The following NOS1AP variants were observed in gnomAD, a reference collection of about 807,000 sequenced individuals.
NOS1AP encodes the protein carboxyl-terminal PDZ ligand of neuronal nitric oxide synthase protein.
A neutral mutation model predicts 56.2 loss-of-function variants in NOS1AP; 21 were observed. That is an observed-to-expected ratio of 0.37 (90% CI 0.26 to 0.54). The LOEUF is 0.54. NOS1AP is among the 20% of genes least tolerant of loss of function. The pLI, the probability that NOS1AP is intolerant of heterozygous loss-of-function variation, is 0.84. For synonymous variants in NOS1AP, 270 were observed against 274.6 expected, an observed-to-expected ratio of 0.98 and a Z score of 0.17; for missense variants, 522 against 657.8, an observed-to-expected ratio of 0.79 and a Z score of 2.26.
At position 162,208,259 on chromosome 1, in the gene NOS1AP, A is replaced by G. The variant is rs147063109; in HGVS notation, c.177+53783A>G. 2.3e-3 allele frequency among the ~76,000 whole-genome samples: 356 copies of G among 152,302 alleles called. 2 individuals are homozygous for G. Among genetic ancestry groups the G allele is most frequent in the Non-Finnish European group, 3.7e-3 (253 of 68,020 alleles). On this transcript the variant is annotated intron_variant, in intron 2 of 9. Coordinates refer to ENST00000361897, the MANE Select transcript of NOS1AP (RefSeq NM_014697.3). ...TAATTAATGCTGGCCTACAGTTGCC[A>G]CACTTTTCTCAGAATCTTGAAGCAC...
chr1:162,171,071 A>C, intron 2 of NOS1AP, among the ~76,000 whole-genome samples: 1 of 152,154 alleles, frequency 6.6e-6, no homozygotes. Flanking sequence ...CTGGGATGCC[A>C]ACATGCTGGG....
At chr1:162,277,048 C>G (rs1373597562) in intron 2 of NOS1AP, among the ~76,000 whole-genome samples, 1 of 152,114 alleles carries the variant, frequency 6.6e-6, no homozygotes, top group Non-Finnish European at 1.5e-5. Flanking sequence ...AAAGTGTGGT[C>G]TGTGGACCAG....
At chr1:162,359,837 A>G (rs1657834267) in intron 8 of NOS1AP, among the ~76,000 whole-genome samples, 2 of 152,190 alleles carry the variant, frequency 1.3e-5, no homozygotes, top group South Asian at 4.1e-4. Flanking sequence ...AGCAGTCCCC[A>G]GAATTCCAGT....
intron 2 of NOS1AP, among the ~76,000 whole-genome samples, chr1:162,166,170 C>T (rs890285308): frequency 2.8e-4 from 43 of 152,204 alleles, no homozygotes; most frequent in African/African-American, 7.0e-4. Flanking sequence ...AGACAGCTGC[C>T]GCAGTGCCCT....
chr1:162,362,323 C>T (rs1000497142), intron 8 of NOS1AP, among the ~76,000 whole-genome samples: 1 of 151,898 alleles, frequency 6.6e-6, no homozygotes, highest in African/African-American at 2.4e-5. Context: ...TGGTGGCGGG[C>T]GCCAGTAATT....
At chr1:162,096,236 G>C (rs983503100) in intron 1 of NOS1AP, among the ~76,000 whole-genome samples, 9 of 152,264 alleles carry the variant, frequency 5.9e-5, no homozygotes, top group African/African-American at 2.2e-4. Context: ...CTACAGGAGG[G>C]CATCTGCTTC....
chr1:162,232,209 G>A (rs1653144250), intron 2 of NOS1AP, among the ~76,000 whole-genome samples: 1 of 152,182 alleles, frequency 6.6e-6, no homozygotes, highest in South Asian at 2.1e-4. Flanking sequence ...CAAAGATCTT[G>A]CCATTCTGAG....
At chr1:162,149,005 A>G (rs1352319424) in intron 1 of NOS1AP, among the ~76,000 whole-genome samples, 1 of 152,224 alleles carries the variant, frequency 6.6e-6, no homozygotes, top group Non-Finnish European at 1.5e-5. Flanking sequence ...GCTGCTAATC[A>G]GGATGAGGAA....
chr1:162,173,298 C>T (rs1402285202), intron 2 of NOS1AP, among the ~76,000 whole-genome samples: 1 of 152,126 alleles, frequency 6.6e-6, no homozygotes, highest in African/African-American at 2.4e-5. Flanking sequence ...AGCTGTCCTC[C>T]ACTCTCCTCC....
chr1:162,326,733 C>A (rs1376414821), intron 4 of NOS1AP, among the ~76,000 whole-genome samples: 1 of 152,148 alleles, frequency 6.6e-6, no homozygotes, highest in African/African-American at 2.4e-5. Context: ...TGGAAAAGAC[C>A]AATGTCCCAG....
chr1:162,208,033 CTG>C (rs1481618980), intron 2 of NOS1AP, among the ~76,000 whole-genome samples: 1 of 152,166 alleles, frequency 6.6e-6, no homozygotes, highest in East Asian at 1.9e-4. Flanking sequence ...GGTATGTAGA[CTG>C]TGGTCAGGCT....
At chr1:162,305,979 T>A (rs547088780) in intron 4 of NOS1AP, among the ~76,000 whole-genome samples, 53 of 152,380 alleles carry the variant, frequency 3.5e-4, no homozygotes, top group African/African-American at 1.2e-3. Context: ...AGTTTTTGAA[T>A]CCTTGTGAAT....
At chr1:162,304,575 A>AT (rs62888860) in intron 4 of NOS1AP, among the ~76,000 whole-genome samples, 62,886 of 151,898 alleles carry the variant, frequency 0.41, 13,920 homozygotes, top group East Asian at 0.6. Flanking sequence ...TGTTAAATGA[A>AT]TTTTTCTTTG....
intron 1 of NOS1AP, among the ~76,000 whole-genome samples, chr1:162,088,994 T>G (rs1256379202): frequency 6.6e-6 from 1 of 152,182 alleles, no homozygotes; most frequent in Admixed American, 6.5e-5. Context: ...CTTCCACTCC[T>G]TGTGTATTTT....
intron 2 of NOS1AP, among the ~76,000 whole-genome samples, chr1:162,247,440 G>A (rs1425846222): frequency 1.3e-5 from 2 of 152,122 alleles, no homozygotes; most frequent in Non-Finnish European, 2.9e-5. Flanking sequence ...GAGTTCCCAG[G>A]GTTGAGTAAC....
intron 1 of NOS1AP, among the ~76,000 whole-genome samples, chr1:162,140,582 A>T (rs1558118472): frequency 6.6e-6 from 1 of 152,118 alleles, no homozygotes; most frequent in African/African-American, 2.4e-5. Flanking sequence ...TGCCTTTGCT[A>T]TTGTGAATAA....
intron 2 of NOS1AP, among the ~76,000 whole-genome samples, chr1:162,213,306 C>G (rs1652434225): frequency 6.6e-6 from 1 of 152,236 alleles, no homozygotes; most frequent in Non-Finnish European, 1.5e-5. Flanking sequence ...CCCTTTCCTT[C>G]TCCAGTAATT....
intron 2 of NOS1AP, among the ~76,000 whole-genome samples, chr1:162,169,787 G>T (rs537355296): frequency 7.2e-5 from 11 of 152,272 alleles, no homozygotes; most frequent in Admixed American, 4.6e-4. Flanking sequence ...GGGCGGTCAG[G>T]GGCCTCCCAG....
chr1:162,238,887 T>C (rs1653390803), intron 2 of NOS1AP, among the ~76,000 whole-genome samples: 1 of 152,250 alleles, frequency 6.6e-6, no homozygotes, highest in African/African-American at 2.4e-5. Context: ...CAAATGTCTC[T>C]AAGTTCTTAA....
Sources: gnomAD v4.1 joint callset for allele counts (sites outside exome capture counted in the v4.1 genomes callset) on GRCh38, gnomAD v4.1.1 for gene constraint, MANE v1.5 for transcripts, NCBI Gene and HGNC (gene_info 2026-07-23, HGNC 2026-07-21) for gene names.